The following UBE3B variants were observed in gnomAD, a reference collection of about 807,000 sequenced individuals.
The protein encoded by UBE3B is ubiquitin-protein ligase E3B.
UBE3B carries 80 observed loss-of-function variants against 132.3 expected under a neutral mutation model. The ratio of observed to expected loss-of-function variants is 0.60; its 90% confidence interval spans 0.50 to 0.73. UBE3B has a LOEUF of 0.73. UBE3B is among the 30% of genes least tolerant of loss of function. UBE3B has a pLI of 0.00. For missense variants in UBE3B, 1,196 were observed against 1,362.5 expected, an observed-to-expected ratio of 0.88 and a Z score of 1.92; for synonymous variants, 487 against 520.4, an observed-to-expected ratio of 0.94 and a Z score of 0.87.
chr12:109,506,379 G>A (rs936625023), intron 14 of UBE3B, among the ~76,000 whole-genome samples: 3 of 152,086 alleles, frequency 2.0e-5, no homozygotes, highest in Non-Finnish European at 4.4e-5. Flanking sequence ...ACAGAGTTTC[G>A]CTCTTGTCGC....
At chr12:109,484,014 T>A in intron 4 of UBE3B, 33 bp downstream of exon 4, 1 of 1,577,554 alleles carries the variant, frequency 6.3e-7, no homozygotes, top group Non-Finnish European at 8.6e-7. Context: ...GTATAATACT[T>A]CCATATGTCA....
intron 27 of UBE3B, chr12:109,533,986 G>A: frequency 7.7e-7 from 1 of 1,298,664 alleles, no homozygotes; most frequent in South Asian, 1.2e-5. Flanking sequence ...TTTCCTCATT[G>A]GCCAAAGGAG....
Position 109,521,296 on chromosome 12 carries a change from T to A in UBE3B, c.2225T>A (p.Val742Asp). 6.2e-7 allele frequency: 1 copy of A among 1,613,688 alleles called. No individual in the cohort carries two copies. The highest frequency in any genetic ancestry group is 1.1e-5 in the South Asian group (1 of 91,058). Residue 742 changes from valine to aspartate, a missense_variant, in exon 20 of 28, where the codon GTT becomes GAT. Transcript: ENST00000342494. This position sits in a 1 kb window ranked among gnomAD's most constrained non-coding sequence, Gnocchi z 4.2. ...KEFLEEIIKR[V>D]FDPALNLFKT... ...TTCTTGGAAGAGATCATCAAGAGAG[T>A]TTTTGACCCAGCACTCAATCTGTTC... is the stretch of plus-strand genomic sequence containing the variant.
chr12:109,504,828 G>A (rs1288794901), intron 14 of UBE3B, among the ~76,000 whole-genome samples: 8 of 150,474 alleles, frequency 5.3e-5, no homozygotes, highest in Non-Finnish European at 8.9e-5. Flanking sequence ...TTTTCGAGAC[G>A]GAGTCTCACT....
In UBE3B at chr12:109,511,115, T is replaced by C. The variant is rs1880314309; in HGVS notation, c.1857-89T>C. 26 of 1,135,798 alleles carry C rather than the reference T, an allele frequency of 2.3e-5. No individual in the cohort carries two copies. The South Asian group carries it at 3.5e-4, about 15-fold the overall frequency. The allele number at this position is 1,135,798 out of a possible 1,614,324, so 70.4% of individuals were successfully genotyped here. A position where few individuals can be genotyped will look rare whatever the true frequency, so the allele number is the denominator to read the frequency against. On this transcript the variant is annotated intron_variant, in intron 17 of 27. Transcript: ENST00000342494. ...CTTGAGAAACAGACAGCACCCTGCATGTGGCCCACATGGTGTCATTTCCCA... is the reference window on the plus strand; with the variant it reads ...CTTGAGAAACAGACAGCACCCTGCACGTGGCCCACATGGTGTCATTTCCCA...
rs753407105 is a variant in UBE3B, at chr12:109,521,470, C to G, written c.2283C>G (p.Pro761=). 1.9e-6 allele frequency: 3 copies of G among 1,597,212 alleles called. No homozygotes were observed. Among genetic ancestry groups the G allele is most frequent in the Non-Finnish European group, 2.6e-6 (3 of 1,168,846 alleles). Residue 761 remains proline (P), a synonymous_variant, in exon 21 of 28, where the codon CCC becomes CCG. Transcript: ENST00000342494. This position sits in a 1 kb window ranked among gnomAD's most constrained non-coding sequence, Gnocchi z 4.2. The part of the protein sequence containing the change: ...KTTSGDERLY[P]SPTSYIHENY... The stretch of plus-strand genomic sequence containing the variant: ...CCAGTGGGGATGAGAGGCTGTACCC[C>G]TCACCCACATCCTACATCCATGAGA...
intron 27 of UBE3B, chr12:109,533,765 T>C: frequency 2.4e-6 from 2 of 843,406 alleles, no homozygotes; most frequent in Non-Finnish European, 3.9e-6. Context: ...CAGCCCTCTC[T>C]CGGCAGCCCC....
intron 1 of UBE3B, 102 bp from the exon 2 acceptor site, chr12:109,481,535 T>C (rs1254150702): frequency 4.6e-5 from 7 of 152,200 alleles, no homozygotes; most frequent in Admixed American, 6.5e-5. Context: ...TAAAAAACCA[T>C]TGGCATTGTA....
chr12:109,490,646 G>T, intron 8 of UBE3B: 2 of 1,512,854 alleles, frequency 1.3e-6, no homozygotes, highest in East Asian at 2.5e-5. Flanking sequence ...ATAATATGAT[G>T]TCTTTAAATT....
At chr12:109,533,960 C>T in intron 27 of UBE3B, 1 of 1,306,274 alleles carries the variant, frequency 7.7e-7, no homozygotes, top group Non-Finnish European at 1.0e-6. Context: ...TGTGCACGTC[C>T]AGGCTCGCTG....
chr12:109,523,951 G>A (rs754846113), intron 21 of UBE3B, 27 bp from the exon 22 acceptor site: 1 of 1,612,718 alleles, frequency 6.2e-7, no homozygotes, highest in South Asian at 1.1e-5. Flanking sequence ...CTGGCTGATG[G>A]ACAGCTCTGC....
chr12:109,498,089 G>C (rs2270361), intron 10 of UBE3B, 144 bp from the exon 11 acceptor site: 233,743 of 1,353,832 alleles, frequency 0.17, 20,842 homozygotes, highest in Middle Eastern at 0.19. Flanking sequence ...GCCCAAAGAA[G>C]TGGGTTCTTG....
intron 8 of UBE3B, chr12:109,490,281 C>A: frequency 8.7e-7 from 1 of 1,152,142 alleles, no homozygotes; most frequent in Non-Finnish European, 1.2e-6. Flanking sequence ...AAGGAGACCT[C>A]AGGGCTTGTT....
At chr12:109,520,081 T>C (rs1291994915) in intron 19 of UBE3B, 1 of 152,176 alleles carries the variant, frequency 6.6e-6, no homozygotes, top group Non-Finnish European at 1.5e-5. Flanking sequence ...AGTGTTACAG[T>C]TGTAGCTGAA....
the UBE3B span, among the ~76,000 whole-genome samples, chr12:109,547,192 C>T: frequency 6.6e-6 from 1 of 152,316 alleles, no homozygotes; most frequent in South Asian, 2.1e-4. The surrounding 1 kb of genome is among the most constrained non-coding windows in gnomAD (Gnocchi z 4.1). Flanking sequence ...CCACAAGAGG[C>T]GTCCTGCCCA....
chr12:109,511,442 A>C (rs1212932946), intron 18 of UBE3B, 139 bp downstream of exon 18: 5 of 769,054 alleles, frequency 6.5e-6, no homozygotes, highest in Non-Finnish European at 1.1e-5. Flanking sequence ...GGTTGCTATT[A>C]CTTTGGTGAG....
At chr12:109,546,937 T>C in the UBE3B span, among the ~76,000 whole-genome samples, 270 of 152,280 alleles carry the variant, frequency 1.8e-3, 2 homozygotes, top group South Asian at 4.1e-3. Context: ...GTTGAACTCC[T>C]GGGCTCAAGC....
chr12:109,494,152 G>A (rs1877857358), intron 9 of UBE3B, among the ~76,000 whole-genome samples: 1 of 152,106 alleles, frequency 6.6e-6, no homozygotes, highest in Non-Finnish European at 1.5e-5. Context: ...AGATAAGGAA[G>A]CTAAGGCCCA....
In UBE3B at chr12:109,521,180, G is replaced by C; in HGVS notation, c.2109G>C (p.Gln703His). 1 of 1,614,218 alleles carries C rather than the reference G, an allele frequency of 6.2e-7. No individual in the cohort carries two copies. ...DGYEQLRQLS[Q>H]HAMKGVIRVK... The stretch of plus-strand genomic sequence containing the variant: ...ACGAGCAGCTTAGGCAGCTCTCCCA[G>C]CACGCCATGAAGGGGGTCATCCGTG... The change falls in exon 20 of 28, where the codon CAG (glutamine) becomes CAC (histidine). Residue 703 changes from glutamine (Q) to histidine (H), a missense_variant. Physicochemically the swap from Gln to His is conservative, Grantham distance 24 (BLOSUM62 0). Coordinates refer to ENST00000342494, the MANE Select transcript of UBE3B (RefSeq NM_130466.4). The surrounding 1 kb of genome is among the most constrained non-coding windows in gnomAD (Gnocchi z 4.2).
Sources: allele counts gnomAD v4.1 joint callset (sites outside exome capture counted in the v4.1 genomes callset), GRCh38; gene constraint gnomAD v4.1.1; non-coding constraint Gnocchi (gnomAD v3.1); transcripts MANE v1.5; gene names NCBI Gene and HGNC (gene_info 2026-07-23, HGNC 2026-07-21).